Variants in ADAMTS5 observed in about 807,000 individuals in gnomAD.
The protein encoded by ADAMTS5 is ADAM metallopeptidase with thrombospondin type 1 motif 5, also known as A disintegrin and metalloproteinase with thrombospondin motifs 5.
Under a neutral mutation model 81.4 loss-of-function variants are expected in ADAMTS5, and 54 were observed. The observed-to-expected ratio is 0.66, with a 90% CI of 0.53 to 0.83. The LOEUF is 0.83. ADAMTS5 is among the 40% of genes least tolerant of loss of function. The pLI, the probability that ADAMTS5 is intolerant of heterozygous loss-of-function variation, is 0.00. For synonymous variants in ADAMTS5, 532 were observed against 508.8 expected, an observed-to-expected ratio of 1.05 and a Z score of -0.61; for missense variants, 1,194 against 1,229.9, an observed-to-expected ratio of 0.97 and a Z score of 0.44.
chr21:26,928,646 C>A lies in ADAMTS5; in HGVS notation c.2225+1240G>T, dbSNP rs1031027037. ...CCTTCCTTCCTTCCTCTTTCTTTCTCTTTCCTTTGTCTTTCTTTCTCTTTC... is the reference window on the plus strand; with the variant it reads ...CCTTCCTTCCTTCCTCTTTCTTTCTATTTCCTTTGTCTTTCTTTCTCTTTC... On this transcript the variant is annotated intron_variant, in intron 7 of 7. Coordinates refer to ENST00000284987, the MANE Select transcript of ADAMTS5 (RefSeq NM_007038.5). Among the ~76,000 whole-genome samples, 8 of 151,192 alleles carry A rather than the reference C, an allele frequency of 5.3e-5. No homozygotes were observed. The East Asian group carries it at 1.4e-3, about 26-fold the overall frequency.
At chr21:26,954,261 A>G (rs1440076600) in intron 2 of ADAMTS5, among the ~76,000 whole-genome samples, 1 of 152,136 alleles carries the variant, frequency 6.6e-6, no homozygotes, top group Non-Finnish European at 1.5e-5. Context: ...TATTAAGAAC[A>G]AGACAGAAAT....
At position 26,932,906 on chromosome 21, in the gene ADAMTS5, T is replaced by C; in HGVS notation, c.1828A>G (p.Arg610Gly). The C allele has an allele frequency of 1.2e-6, 2 of 1,613,868 alleles. No homozygotes were observed. Among genetic ancestry groups the C allele is most frequent in the Non-Finnish European group, 1.7e-6 (2 of 1,179,932 alleles). The change falls in exon 5 of 8, where the codon AGG becomes GGG. Residue 610 changes from arginine (R) to glycine (G), a missense_variant. By Grantham distance (125) the Arg-to-Gly change is moderately radical. Coordinates refer to ENST00000284987, the MANE Select transcript of ADAMTS5 (RefSeq NM_007038.5). ...RNNGRYCTGK[R>G]AIYRSCSLMP... ...AGACTGCAGGAGCGGTAGATGGCCC[T>C]CTTCCCTGTGCAGTAGCGTCCGTTG...
intron 2 of ADAMTS5, among the ~76,000 whole-genome samples, chr21:26,952,593 C>T (rs1987342087): frequency 6.6e-6 from 1 of 152,198 alleles, no homozygotes; most frequent in Admixed American, 6.5e-5. Context: ...CAGATGCAGT[C>T]AATGTGTGAA....
rs1281530055 is a variant in ADAMTS5, at chr21:26,943,371, G to T, written c.1405+9C>A. ...TTTCTCAGTCTGTGTTCTCCTAAAT[G>T]ATACATACCATGGCCATCATCCAGG... On this transcript the variant is annotated intron_variant, in intron 3 of 7. Transcript: ENST00000284987. 6.2e-7 allele frequency: 1 copy of T among 1,608,804 alleles called. No homozygotes were observed. Among genetic ancestry groups the T allele is most frequent in the Non-Finnish European group, 8.5e-7 (1 of 1,177,850 alleles).
intron 4 of ADAMTS5, among the ~76,000 whole-genome samples, chr21:26,933,322 C>T (rs942056166): frequency 2.6e-5 from 4 of 152,308 alleles, no homozygotes; most frequent in East Asian, 1.9e-4. Flanking sequence ...TTGGTTTCTA[C>T]GGACCATTGT....
chr21:26,923,977 T>G lies in ADAMTS5; in HGVS notation c.*76A>C. 3 of 1,430,898 alleles carry G rather than the reference T, an allele frequency of 2.1e-6. No individual in the cohort carries two copies. Among genetic ancestry groups the G allele is most frequent in the South Asian group, 1.4e-5 (1 of 72,972 alleles). 88.6% of individuals were successfully genotyped at this position (1,430,898 alleles called of 1,614,324 possible). Reference sequence around the variant, plus strand: ...GAAGCATGACTTTCTGTGCGTTAGGTAGACCTCCTGTTCACCACGACTGCA... The same window carrying G: ...GAAGCATGACTTTCTGTGCGTTAGGGAGACCTCCTGTTCACCACGACTGCA... On this transcript the variant is annotated 3_prime_UTR_variant, in exon 8 of 8. Coordinates refer to ENST00000284987, the MANE Select transcript of ADAMTS5 (RefSeq NM_007038.5).
At chr21:26,945,058 G>T (rs1457697489) in intron 2 of ADAMTS5, among the ~76,000 whole-genome samples, 1 of 151,516 alleles carries the variant, frequency 6.6e-6, no homozygotes, top group Non-Finnish European at 1.5e-5. Flanking sequence ...TATATATAAA[G>T]TATGTCCCAA....
In ADAMTS5 at chr21:26,965,708, C is replaced by A. The variant is rs771034526; in HGVS notation, c.684G>T (p.Pro228=). The change falls in exon 1 of 8, where the codon CCG becomes CCT. Residue 228 remains proline (P), a synonymous_variant. Coordinates refer to ENST00000284987, the MANE Select transcript of ADAMTS5 (RefSeq NM_007038.5). ...AHEHAPAHSN[P]SGRAALASQL... ...GCGAGGCCAGTGCTGCGCGTCCGCT[C>A]GGGTTGCTGTGCGCCGGAGCATGCT... 1.3e-6 allele frequency: 2 copies of A among 1,584,206 alleles called. No homozygotes were observed. Among genetic ancestry groups the A allele is most frequent in the Admixed American group, 1.8e-5 (1 of 56,296 alleles).
In ADAMTS5 at chr21:26,965,628, C is replaced by T. The variant is rs1047300140; in HGVS notation, c.764G>A (p.Trp255Ter). 1.9e-6 allele frequency: 3 copies of T among 1,597,036 alleles called. No homozygotes were observed. The highest frequency in any genetic ancestry group is 1.3e-5 in the African/African-American group (1 of 74,524). The change falls in exon 1 of 8, where the codon TGG (tryptophan) becomes TAG (stop). Residue 255 changes from tryptophan to a stop codon, truncating the protein, a stop_gained. Transcript: ENST00000284987. LOFTEE classifies it high-confidence loss of function. ...SPAGGSGPQT[W>*]WRRRRRSISR... ...GATGGAGCGGCGCCGCCGCCGCCAC[C>T]ACGTCTGCGGTCCTGAGCCCCCAGC... is the stretch of plus-strand genomic sequence containing the variant.
intron 3 of ADAMTS5, among the ~76,000 whole-genome samples, chr21:26,942,415 TA>T (rs2123185413): frequency 6.6e-6 from 1 of 152,318 alleles, no homozygotes; most frequent in East Asian, 1.9e-4. Flanking sequence ...TTATGATCAA[TA>T]ATTTCTGTCA....
intron 3 of ADAMTS5, among the ~76,000 whole-genome samples, 164 bp from the exon 4 acceptor site, chr21:26,934,913 GC>G (rs1245400275): frequency 6.6e-6 from 1 of 152,124 alleles, no homozygotes; most frequent in African/African-American, 2.4e-5. Context: ...AAGGCTGGGA[GC>G]CCCCTTGGAC....
rs1366253304 is a variant in ADAMTS5, at chr21:26,923,972, T to C, written c.*81A>G. 1.4e-6 allele frequency: 2 copies of C among 1,397,670 alleles called. No homozygotes were observed. The highest frequency in any genetic ancestry group is 2.9e-5 in the African/African-American group (2 of 69,664). The allele number at this position is 1,397,670 out of a possible 1,614,324, so 86.6% of individuals were successfully genotyped here. A position where few individuals can be genotyped will look rare whatever the true frequency, so the allele number is the denominator to read the frequency against. Reference sequence around the variant, plus strand: ...TCACTGAAGCATGACTTTCTGTGCGTTAGGTAGACCTCCTGTTCACCACGA... The same window carrying C: ...TCACTGAAGCATGACTTTCTGTGCGCTAGGTAGACCTCCTGTTCACCACGA... On this transcript the variant is annotated 3_prime_UTR_variant, in exon 8 of 8. Coordinates refer to ENST00000284987, the MANE Select transcript of ADAMTS5 (RefSeq NM_007038.5).
rs775381325 is a variant in ADAMTS5, at chr21:26,924,262, C to T, written c.2584G>A (p.Val862Ile). The T allele has an allele frequency of 1.3e-5, 21 of 1,614,176 alleles. No homozygotes were observed. Among genetic ancestry groups the T allele is most frequent in the Non-Finnish European group, 1.8e-5 (21 of 1,180,042 alleles). The change falls in exon 8 of 8, where the codon GTC becomes ATC. Residue 862 changes from valine to isoleucine, a missense_variant. By Grantham distance (29) the Val-to-Ile change is conservative (BLOSUM62 3). Around this residue, in one of 2 missense-constraint regions of ADAMTS5, gnomAD observed 696 missense variants for 817.6 expected, o/e 0.85. Transcript: ENST00000284987. The part of the protein sequence containing the change: ...PKKSTPKVNS[V>I]TSHGSNKVGS... ...ACTTTATTGCTGCCATGACTAGTGACAGAGTTTACTTTTGGAGTGGACTTC... is the reference window on the plus strand; with the variant it reads ...ACTTTATTGCTGCCATGACTAGTGATAGAGTTTACTTTTGGAGTGGACTTC...
At chr21:26,941,238 C>G (rs867047542) in intron 3 of ADAMTS5, among the ~76,000 whole-genome samples, 5 of 151,928 alleles carry the variant, frequency 3.3e-5, no homozygotes, top group Non-Finnish European at 5.9e-5. Context: ...ATTTTCTGCT[C>G]AAGGAATTTT....
chr21:26,966,845 G>C lies in ADAMTS5; in HGVS notation c.-454C>G, dbSNP rs1444896361. Reference sequence around the variant, plus strand: ...CGCTGCGCTGGACAAGCCGGCTGTGGAGGTTCCAAGCTCCGGGGCCCACTT... The same window carrying C: ...CGCTGCGCTGGACAAGCCGGCTGTGCAGGTTCCAAGCTCCGGGGCCCACTT... On this transcript the variant is annotated 5_prime_UTR_variant, in exon 1 of 8. Transcript: ENST00000284987. Among the ~76,000 whole-genome samples, 1 of 152,150 alleles carries C rather than the reference G, an allele frequency of 6.6e-6. No individual in the cohort carries two copies. The highest frequency in any genetic ancestry group is 1.5e-5 in the Non-Finnish European group (1 of 68,026).
At position 26,924,262 on chromosome 21, in the gene ADAMTS5, C is replaced by A; in HGVS notation, c.2584G>T (p.Val862Phe). 1.9e-6 allele frequency: 3 copies of A among 1,614,176 alleles called. No homozygotes were observed. The highest frequency in any genetic ancestry group is 1.1e-5 in the South Asian group (1 of 91,076). The change falls in exon 8 of 8, where the codon GTC becomes TTC. Residue 862 changes from valine to phenylalanine, a missense_variant. Physicochemically the swap from Val to Phe is conservative, Grantham distance 50. Coordinates refer to ENST00000284987, the MANE Select transcript of ADAMTS5 (RefSeq NM_007038.5). ...PKKSTPKVNS[V>F]TSHGSNKVGS... ...ACTTTATTGCTGCCATGACTAGTGACAGAGTTTACTTTTGGAGTGGACTTC... is the reference window on the plus strand; with the variant it reads ...ACTTTATTGCTGCCATGACTAGTGAAAGAGTTTACTTTTGGAGTGGACTTC...
intron 3 of ADAMTS5, among the ~76,000 whole-genome samples, chr21:26,940,528 C>A (rs184655470): frequency 1.1e-4 from 16 of 152,142 alleles, no homozygotes; most frequent in African/African-American, 2.2e-4. Flanking sequence ...TAAATAATAT[C>A]ATTTCTTGTT....
chr21:26,961,603 G>A (rs2123208260), intron 1 of ADAMTS5, among the ~76,000 whole-genome samples: 1 of 152,324 alleles, frequency 6.6e-6, no homozygotes, highest in East Asian at 1.9e-4. Flanking sequence ...GGAGGTGCAT[G>A]TAGGCAGATA....
In ADAMTS5 at chr21:26,933,005, C is replaced by T. The variant is rs146717299; in HGVS notation, c.1729G>A (p.Gly577Ser). Reference sequence around the variant, plus strand: ...CCTCCACATGAGCGAGAACACTGGCCCCAGGATCCCCAAGATCCCCAGTTG... The same window carrying T: ...CCTCCACATGAGCGAGAACACTGGCTCCAGGATCCCCAAGATCCCCAGTTG... Reference protein sequence around the residue: ...HGNWGSWGSWGQCSRSCGGGV... With the variant: ...HGNWGSWGSWSQCSRSCGGGV... Residue 577 changes from glycine (G) to serine (S), a missense_variant, in exon 5 of 8, where the codon GGC becomes AGC. Coordinates refer to ENST00000284987, the MANE Select transcript of ADAMTS5 (RefSeq NM_007038.5). The T allele has an allele frequency of 0.014, 23,198 of 1,613,508 alleles. 267 individuals carry two copies. Among genetic ancestry groups the T allele is most frequent in the Middle Eastern group, 0.052 (317 of 6,056 alleles).
Sources: allele counts gnomAD v4.1 joint callset (sites outside exome capture counted in the v4.1 genomes callset), GRCh38; gene constraint gnomAD v4.1.1; regional missense constraint gnomAD v4.1.1; transcripts MANE v1.5; gene names NCBI Gene and HGNC (gene_info 2026-07-23, HGNC 2026-07-21).